The following DIPK2B variants were observed in gnomAD, a reference collection of about 807,000 sequenced individuals.
The protein encoded by DIPK2B is UPF0672 protein CXorf36.
Under a neutral mutation model 22.2 loss-of-function variants are expected in DIPK2B, and 15 were observed. The observed-to-expected ratio is 0.68, with a 90% CI of 0.45 to 1.04. DIPK2B has a LOEUF of 1.04. DIPK2B is among the 50% of genes least tolerant of loss of function. DIPK2B has a pLI of 0.00. For missense variants in DIPK2B, 345 were observed against 348.3 expected (o/e 0.99, Z 0.08); for synonymous variants, 163 against 153.2 (o/e 1.06, Z -0.47).
chrX:45,179,767 G>A (rs754625458), intron 2 of DIPK2B, among the ~76,000 whole-genome samples: 1 of 110,916 alleles, frequency 9.0e-6, no homozygotes, highest in African/African-American at 3.3e-5. Flanking sequence ...AAAAATACTA[G>A]AATTCAAGGT....
intron 1 of DIPK2B, among the ~76,000 whole-genome samples, chrX:45,200,235 C>A (rs1338433771): frequency 1.8e-5 from 2 of 111,451 alleles, no homozygotes; most frequent in Non-Finnish European, 3.8e-5. Context: ...ACCATTAACT[C>A]TCACAATGAT....
chrX:45,189,183 A>G (rs189065393), intron 2 of DIPK2B, among the ~76,000 whole-genome samples: 2 of 112,620 alleles, frequency 1.8e-5, no homozygotes, highest in East Asian at 5.6e-4. Flanking sequence ...GTGAGCCACT[A>G]TGTCCATCCC....
intron 2 of DIPK2B, among the ~76,000 whole-genome samples, chrX:45,189,936 G>A (rs1180712280): frequency 8.9e-6 from 1 of 111,948 alleles, no homozygotes; most frequent in Non-Finnish European, 1.9e-5. Flanking sequence ...AAATTTTTCT[G>A]GTTTTGGCTG....
intron 3 of DIPK2B, among the ~76,000 whole-genome samples, chrX:45,154,762 C>T (rs1293843095): frequency 1.8e-5 from 2 of 110,403 alleles, no homozygotes; most frequent in Admixed American, 9.7e-5. Context: ...TAGGAAGAGG[C>T]TATGGGAAAA....
At chrX:45,160,208 CT>C (rs1419695067) in intron 2 of DIPK2B, among the ~76,000 whole-genome samples, 183 of 99,671 alleles carry the variant, frequency 1.8e-3, no homozygotes, top group South Asian at 1.8e-3. Context: ...TCAGGTAGAT[CT>C]TTTTTTTTTT....
Position 45,151,539 on chromosome X carries a change from T to C in DIPK2B, c.*113A>G. ...CCTCTCAGTCCCTAAGAAATGAGTG[T>C]GCCTTTCTTCTCATCTTTAAAAAAG... On this transcript the variant is annotated 3_prime_UTR_variant, in exon 5 of 5. Transcript: ENST00000398000. 1 of 726,560 alleles carries C rather than the reference T, an allele frequency of 1.4e-6. No homozygotes were observed. Among genetic ancestry groups the C allele is most frequent in the African/African-American group, 2.1e-5 (1 of 46,974 alleles). 59.9% of individuals were successfully genotyped at this position (726,560 alleles called of 1,213,427 possible).
intron 4 of DIPK2B, among the ~76,000 whole-genome samples, chrX:45,152,803 C>T (rs2046968603): frequency 9.0e-6 from 1 of 110,927 alleles, no homozygotes; most frequent in African/African-American, 3.3e-5. Flanking sequence ...TGGTGACAGT[C>T]GTCTGTAATT....
chrX:45,155,144 C>T (rs1380703138), intron 3 of DIPK2B, among the ~76,000 whole-genome samples: 1 of 106,487 alleles, frequency 9.4e-6, no homozygotes, highest in African/African-American at 3.5e-5. Context: ...AAAGATCGGC[C>T]AGGAGTGATG....
chrX:45,179,754 G>GA (rs1345899656), intron 2 of DIPK2B, among the ~76,000 whole-genome samples: 2 of 110,424 alleles, frequency 1.8e-5, no homozygotes, highest in Admixed American at 9.6e-5. Context: ...AAAAATAATT[G>GA]AAAAAAATAC....
chrX:45,188,430 T>C (rs2047195176), intron 2 of DIPK2B, among the ~76,000 whole-genome samples: 1 of 112,108 alleles, frequency 8.9e-6, no homozygotes, highest in Admixed American at 9.4e-5. Flanking sequence ...AATGGCTTCT[T>C]AGAGGGCTAA....
At chrX:45,177,306 C>CA (rs1373275149) in intron 2 of DIPK2B, among the ~76,000 whole-genome samples, 53 of 97,167 alleles carry the variant, frequency 5.5e-4, no homozygotes, top group African/African-American at 8.3e-4. Flanking sequence ...AACTCTGTCT[C>CA]AAAAAAAAAA....
chrX:45,177,306 C>T (rs1235389168), intron 2 of DIPK2B, among the ~76,000 whole-genome samples: 1 of 97,187 alleles, frequency 1.0e-5, no homozygotes, highest in East Asian at 3.1e-4. Flanking sequence ...AACTCTGTCT[C>T]AAAAAAAAAA....
At chrX:45,185,681 C>G (rs1345043314) in intron 2 of DIPK2B, among the ~76,000 whole-genome samples, 1 of 92,934 alleles carries the variant, frequency 1.1e-5, no homozygotes, top group South Asian at 5.6e-4. Flanking sequence ...GAGATGGAGT[C>G]TCGCTCTGTT....
chrX:45,185,176 A>G (rs1221061446), intron 2 of DIPK2B, among the ~76,000 whole-genome samples: 1 of 111,925 alleles, frequency 8.9e-6, no homozygotes, highest in African/African-American at 3.3e-5. Context: ...ATAGATAAAT[A>G]CTATATATTA....
At chrX:45,171,248 C>T (rs2047079300) in intron 2 of DIPK2B, among the ~76,000 whole-genome samples, 1 of 110,707 alleles carries the variant, frequency 9.0e-6, no homozygotes, top group Admixed American at 9.6e-5. Context: ...CCTGTGTGAG[C>T]GTGACCCTGC....
At chrX:45,179,288 C>T in intron 2 of DIPK2B, among the ~76,000 whole-genome samples, 1 of 111,098 alleles carries the variant, frequency 9.0e-6, no homozygotes, top group East Asian at 2.8e-4. Context: ...TAGAACAAAA[C>T]TCAACAATTT....
At position 45,149,761 on chromosome X, in the gene DIPK2B, C is replaced by T. The variant is rs938193539; in HGVS notation, c.*1891G>A. 1 of 112,791 alleles carries T rather than the reference C, an allele frequency of 8.9e-6. No homozygotes were observed. The highest frequency in any genetic ancestry group is 1.9e-5 in the Non-Finnish European group (1 of 53,347). 9.3% of individuals were successfully genotyped at this position (112,791 alleles called of 1,213,427 possible). A position where few individuals can be genotyped will look rare whatever the true frequency, so the allele number is the denominator to read the frequency against. On this transcript the variant is annotated 3_prime_UTR_variant, in exon 5 of 5. Coordinates refer to ENST00000398000, the MANE Select transcript of DIPK2B (RefSeq NM_176819.4). ...AGCAAGCTCCTACTGGACCTTCTCTCCTTCACTGGGGCTCAGCTTGCAGGG... is the reference window on the plus strand; with the variant it reads ...AGCAAGCTCCTACTGGACCTTCTCTTCTTCACTGGGGCTCAGCTTGCAGGG...
chrX:45,149,448 C>T lies in DIPK2B; in HGVS notation c.*2204G>A, dbSNP rs1462058450. ...GGCAGCCCAAGCTTGCTGGCCAGTC[C>T]ACAAGCTTGGCCAGTCATCTTCACT... is the stretch of plus-strand genomic sequence containing the variant. On this transcript the variant is annotated 3_prime_UTR_variant, in exon 5 of 5. Transcript: ENST00000398000. 1.8e-5 allele frequency: 2 copies of T among 113,119 alleles called. No homozygotes were observed. Among genetic ancestry groups the T allele is most frequent in the Non-Finnish European group, 3.7e-5 (2 of 53,382 alleles). 9.3% of individuals were successfully genotyped at this position (113,119 alleles called of 1,213,427 possible). A position where few individuals can be genotyped will look rare whatever the true frequency, so the allele number is the denominator to read the frequency against.
At chrX:45,187,806 CCT>C (rs2047191848) in intron 2 of DIPK2B, among the ~76,000 whole-genome samples, 1 of 110,815 alleles carries the variant, frequency 9.0e-6, no homozygotes. Context: ...TTTTTTTTCT[CCT>C]CTCATCTCTG....
Sources: gnomAD v4.1 joint callset for allele counts (sites outside exome capture counted in the v4.1 genomes callset) on GRCh38, gnomAD v4.1.1 for gene constraint, MANE v1.5 for transcripts, NCBI Gene and HGNC (gene_info 2026-07-23, HGNC 2026-07-21) for gene names.